Variants in CD8B2 observed in about 807,000 individuals in gnomAD.
CD8B2 encodes CD8B family member 2, also known as T-cell surface glycoprotein CD8 beta-2 chain.
Under a neutral mutation model 23.7 loss-of-function variants are expected in CD8B2, and 11 were observed. The observed-to-expected ratio is 0.46, with a 90% confidence interval of 0.29 to 0.77. The LOEUF is 0.77. CD8B2 is among the 30% of genes least tolerant of loss of function. CD8B2 has a pLI of 0.09. For missense variants in CD8B2, 197 were observed against 270.5 expected (o/e 0.73, Z 1.91); for synonymous variants, 90 against 109.3 (o/e 0.82, Z 1.10).
intron 2 of CD8B2, 88 bp downstream of exon 2, chr2:106,491,321 C>A: frequency 4.1e-6 from 5 of 1,219,998 alleles, no homozygotes; most frequent in Non-Finnish European, 5.9e-6. Flanking sequence ...TCAGTGTGCC[C>A]CTGTCTGCAG....
At chr2:106,525,830 G>GT (rs1404562845) in intron 5 of CD8B2, among the ~76,000 whole-genome samples, 1 of 152,216 alleles carries the variant, frequency 6.6e-6, no homozygotes, top group East Asian at 1.9e-4. Flanking sequence ...TTCCATCCCA[G>GT]TGTGGAAACA....
downstream of CD8B2, among the ~76,000 whole-genome samples, chr2:106,511,621 A>G (rs1475968419): frequency 2.6e-5 from 4 of 152,030 alleles, no homozygotes; most frequent in African/African-American, 9.7e-5. Context: ...TTGTTTTCAG[A>G]AAGTGATCCC....
At chr2:106,487,839 G>T (rs1573325274) in intron 1 of CD8B2, among the ~76,000 whole-genome samples, 1 of 152,136 alleles carries the variant, frequency 6.6e-6, no homozygotes, top group Non-Finnish European at 1.5e-5. Context: ...TCGGAGGAAG[G>T]TTGGCCAGGC....
intron 5 of CD8B2, among the ~76,000 whole-genome samples, chr2:106,522,668 T>C (rs1439602521): frequency 1.3e-5 from 2 of 152,186 alleles, no homozygotes; most frequent in Non-Finnish European, 2.9e-5. Context: ...CCCATGTCTT[T>C]ACTTTTGAAA....
chr2:106,488,645 G>A (rs1331333336), intron 1 of CD8B2, among the ~76,000 whole-genome samples: 9 of 152,202 alleles, frequency 5.9e-5, no homozygotes, highest in Non-Finnish European at 7.3e-5. Flanking sequence ...TTCAAAGTCA[G>A]GTTCTGGGGT....
intron 3 of CD8B2, among the ~76,000 whole-genome samples, chr2:106,500,992 G>C (rs1177673295): frequency 1.3e-5 from 2 of 152,196 alleles, no homozygotes; most frequent in African/African-American, 2.4e-5. Context: ...AAAACATTTT[G>C]ATGATATCAA....
At chr2:106,503,774 A>C (rs1472658637) in intron 4 of CD8B2, among the ~76,000 whole-genome samples, 17 of 152,160 alleles carry the variant, frequency 1.1e-4, no homozygotes, top group Admixed American at 3.3e-4. Flanking sequence ...TTCCTAAAAA[A>C]ATAAATGAAA....
At chr2:106,517,578 C>A (rs1359888304) in intron 5 of CD8B2, among the ~76,000 whole-genome samples, 1 of 152,152 alleles carries the variant, frequency 6.6e-6, no homozygotes, top group African/African-American at 2.4e-5. Context: ...CCACAGAGAG[C>A]CCCGTCAGCC....
downstream of CD8B2, among the ~76,000 whole-genome samples, chr2:106,515,679 A>T (rs780348829): frequency 6.6e-6 from 1 of 152,080 alleles, no homozygotes; most frequent in African/African-American, 2.4e-5. Context: ...TGTTATAGTG[A>T]CCCAAACAGA....
rs1035995607 is a variant in CD8B2 at position 106,509,883 on chromosome 2, G to C, written c.*2943G>C. On this transcript the variant is annotated 3_prime_UTR_variant, in exon 6 of 6. Transcript: ENST00000643224. ...AAAAGTGGCATGCACAAAGAAATACGCATCAGATTGTTCCTTCTAGTGCTG... is the reference window on the plus strand; with the variant it reads ...AAAAGTGGCATGCACAAAGAAATACCCATCAGATTGTTCCTTCTAGTGCTG... 1 of 152,158 alleles carries C rather than the reference G, an allele frequency of 6.6e-6. No individual in the cohort carries two copies. Among genetic ancestry groups the C allele is most frequent in the Non-Finnish European group, 1.5e-5 (1 of 68,038 alleles). 9.4% of individuals were successfully genotyped at this position (152,158 alleles called of 1,614,324 possible). A position where few individuals can be genotyped will look rare whatever the true frequency, so the allele number is the denominator to read the frequency against.
At chr2:106,526,809 C>G (rs958551095) in intron 5 of CD8B2, among the ~76,000 whole-genome samples, 1 of 152,060 alleles carries the variant, frequency 6.6e-6, no homozygotes, top group Admixed American at 6.5e-5. Flanking sequence ...GCCACCATAC[C>G]CAGTTAATTT....
intron 4 of CD8B2, among the ~76,000 whole-genome samples, chr2:106,502,980 A>G (rs906839575): frequency 1.1e-4 from 16 of 151,482 alleles, no homozygotes; most frequent in African/African-American, 2.9e-4. Flanking sequence ...AAGTTTGCCT[A>G]TGGGGTTTGT....
chr2:106,514,950 C>G (rs1055814998), downstream of CD8B2, among the ~76,000 whole-genome samples: 1 of 152,238 alleles, frequency 6.6e-6, no homozygotes, highest in Non-Finnish European at 1.5e-5. Context: ...AACAGTGATG[C>G]TGCTCACTGC....
chr2:106,490,756 C>G, intron 1 of CD8B2, 118 bp from the exon 2 acceptor site: 1 of 1,508,774 alleles, frequency 6.6e-7, no homozygotes, highest in Non-Finnish European at 8.8e-7. Context: ...TCCCTGGACC[C>G]AGTAACTGGG....
chr2:106,542,098 T>C (rs558857262), intron 5 of CD8B2, among the ~76,000 whole-genome samples: 1 of 152,400 alleles, frequency 6.6e-6, no homozygotes, highest in East Asian at 1.9e-4. Flanking sequence ...CCACTTTAAC[T>C]GGTCAATTCT....
intron 5 of CD8B2, among the ~76,000 whole-genome samples, chr2:106,535,787 G>T (rs1346374297): frequency 1.3e-5 from 2 of 152,100 alleles, no homozygotes; most frequent in African/African-American, 4.8e-5. Context: ...CCAGCTAATG[G>T]TTTATATATT....
At chr2:106,540,913 A>G (rs1442513790) in intron 5 of CD8B2, among the ~76,000 whole-genome samples, 1 of 152,196 alleles carries the variant, frequency 6.6e-6, no homozygotes, top group Non-Finnish European at 1.5e-5. Context: ...AGTGACAACT[A>G]GCGGGTGTCT....
chr2:106,519,348 T>G (rs542921221), intron 5 of CD8B2, among the ~76,000 whole-genome samples: 29 of 152,308 alleles, frequency 1.9e-4, no homozygotes, highest in African/African-American at 6.3e-4. Flanking sequence ...ACTGCTTCAG[T>G]GAAACTGTCT....
At chr2:106,544,259 T>C (rs1680218789) in exon 6 of CD8B2, 2 of 391,642 alleles carry the variant, frequency 5.1e-6, no homozygotes, top group South Asian at 2.9e-4. Flanking sequence ...ATTTGGAATG[T>C]GGGAAGCAGT....
Sources: allele counts gnomAD v4.1 joint callset (sites outside exome capture counted in the v4.1 genomes callset), GRCh38; gene constraint gnomAD v4.1.1; transcripts MANE v1.5; gene names NCBI Gene and HGNC (gene_info 2026-07-23, HGNC 2026-07-21).